CABCOCO1: variants seen among roughly 807,000 people sequenced by gnomAD.
The protein encoded by CABCOCO1 is ciliary associated calcium binding coiled-coil 1, also known as ciliary-associated calcium-binding coiled-coil protein 1.
Under a neutral mutation model 35.7 loss-of-function variants are expected in CABCOCO1, and 28 were observed. The observed-to-expected ratio is 0.78, with a 90% CI of 0.58 to 1.07. The LOEUF is 1.07. Among genes scored for constraint, CABCOCO1 ranks in the 50% least tolerant of loss-of-function variants. The pLI, the probability that CABCOCO1 is intolerant of heterozygous loss-of-function variation, is 0.00. For synonymous variants in CABCOCO1, 95 were observed against 100.1 expected (o/e 0.95, Z 0.30); for missense variants, 326 against 309.2 (o/e 1.05, Z -0.41).
In CABCOCO1 at chr10:61,665,095, G is replaced by A. The variant is rs532900456; in HGVS notation, c.60+2063G>A. On this transcript the variant is annotated intron_variant, in intron 1 of 7. Transcript: ENST00000648843. ...GTCAGAAATAAATCATAAGCTTTCAGTAGTCTGACGTTTCCCATTTGTTGT... is the reference window on the plus strand; with the variant it reads ...GTCAGAAATAAATCATAAGCTTTCAATAGTCTGACGTTTCCCATTTGTTGT... Among the ~76,000 whole-genome samples, 13 of 152,302 alleles carry A rather than the reference G, an allele frequency of 8.5e-5. No individual in the cohort carries two copies. In the East Asian group the frequency reaches 2.3e-3, roughly 27 times the overall value.
chr10:61,742,357 AT>A (rs1449816809), intron 5 of CABCOCO1, among the ~76,000 whole-genome samples: 1 of 152,222 alleles, frequency 6.6e-6, no homozygotes, highest in Non-Finnish European at 1.5e-5. Flanking sequence ...TTTTACTCTC[AT>A]GACATAAGAT....
intron 4 of CABCOCO1, among the ~76,000 whole-genome samples, chr10:61,690,199 T>G (rs1472093879): frequency 6.6e-6 from 1 of 152,122 alleles, no homozygotes; most frequent in Non-Finnish European, 1.5e-5. Context: ...GCAAATAATG[T>G]AAAGTTTCAT....
intron 1 of CABCOCO1, among the ~76,000 whole-genome samples, chr10:61,671,124 A>C (rs1027003137): frequency 1.3e-5 from 2 of 152,154 alleles, no homozygotes; most frequent in Non-Finnish European, 2.9e-5. Flanking sequence ...CAGGAGGTCG[A>C]GATCATCCTG....
At chr10:61,724,823 T>C (rs1247220701) in intron 5 of CABCOCO1, among the ~76,000 whole-genome samples, 1 of 151,866 alleles carries the variant, frequency 6.6e-6, no homozygotes, top group Non-Finnish European at 1.5e-5. Context: ...ACCACAACAG[T>C]AGGGGGGAGG....
chr10:61,710,447 GT>G (rs1340141556), intron 5 of CABCOCO1, among the ~76,000 whole-genome samples: 4 of 151,868 alleles, frequency 2.6e-5, no homozygotes, highest in Admixed American at 2.6e-4. Context: ...CGAATATACT[GT>G]AAACACAAAA....
intron 1 of CABCOCO1, among the ~76,000 whole-genome samples, chr10:61,669,472 T>C (rs561489003): frequency 6.6e-6 from 1 of 151,958 alleles, no homozygotes; most frequent in Non-Finnish European, 1.5e-5. Flanking sequence ...ATGAATTTTC[T>C]ATTATATCTT....
At chr10:61,672,882 A>T (rs1423658809) in intron 2 of CABCOCO1, 147 bp downstream of exon 2, 1 of 448,188 alleles carries the variant, frequency 2.2e-6, no homozygotes. Context: ...AAACACAAAA[A>T]TTCTCAAGTA....
At chr10:61,667,506 T>C (rs567156790) in intron 1 of CABCOCO1, among the ~76,000 whole-genome samples, 55 of 151,808 alleles carry the variant, frequency 3.6e-4, no homozygotes, top group Middle Eastern at 3.4e-3. Context: ...ATTTATAATG[T>C]AGGAAGGACT....
intron 5 of CABCOCO1, among the ~76,000 whole-genome samples, chr10:61,742,918 G>A (rs1841580168): frequency 6.6e-6 from 1 of 152,114 alleles, no homozygotes; most frequent in Non-Finnish European, 1.5e-5. Context: ...GGCACTGTGA[G>A]CAAAAATAGA....
chr10:61,732,254 T>C (rs538335063), intron 5 of CABCOCO1, among the ~76,000 whole-genome samples: 1 of 152,244 alleles, frequency 6.6e-6, no homozygotes, highest in East Asian at 1.9e-4. Context: ...ACTAGCATTT[T>C]AATTACTAAC....
intron 1 of CABCOCO1, among the ~76,000 whole-genome samples, chr10:61,670,792 C>G (rs897764651): frequency 6.6e-6 from 1 of 152,190 alleles, no homozygotes; most frequent in African/African-American, 2.4e-5. Context: ...CTTCCATCTC[C>G]CCTTCACAGC....
At chr10:61,708,396 A>G (rs1840645337) in intron 5 of CABCOCO1, among the ~76,000 whole-genome samples, 1 of 152,060 alleles carries the variant, frequency 6.6e-6, no homozygotes, top group Non-Finnish European at 1.5e-5. Flanking sequence ...TAAAATTGAG[A>G]TGACATCTCT....
At chr10:61,722,779 A>G (rs1230097475) in intron 5 of CABCOCO1, among the ~76,000 whole-genome samples, 2 of 152,114 alleles carry the variant, frequency 1.3e-5, no homozygotes, top group African/African-American at 4.8e-5. Context: ...GAAAGCAGCA[A>G]TGGCCATAGA....
chr10:61,705,838 T>C (rs1051586116), intron 5 of CABCOCO1, among the ~76,000 whole-genome samples: 3 of 152,186 alleles, frequency 2.0e-5, no homozygotes, highest in Non-Finnish European at 4.4e-5. Flanking sequence ...GGTGAGCACC[T>C]CTTCAACCAT....
intron 5 of CABCOCO1, among the ~76,000 whole-genome samples, chr10:61,709,201 C>T (rs975177444): frequency 6.6e-6 from 1 of 152,034 alleles, no homozygotes; most frequent in African/African-American, 2.4e-5. Context: ...TTCTACAAAC[C>T]ATAAGAAGAA....
At chr10:61,764,184 T>G (rs949481917) in intron 7 of CABCOCO1, among the ~76,000 whole-genome samples, 1 of 152,028 alleles carries the variant, frequency 6.6e-6, no homozygotes, top group Non-Finnish European at 1.5e-5. Flanking sequence ...AGAAATGAGA[T>G]TACTGGTGGG....
intron 5 of CABCOCO1, among the ~76,000 whole-genome samples, chr10:61,704,516 A>G (rs549169825): frequency 7.9e-5 from 12 of 152,264 alleles, no homozygotes; most frequent in African/African-American, 2.9e-4. Context: ...TGCCTGAGTG[A>G]GCTTGGAAGT....
intron 5 of CABCOCO1, among the ~76,000 whole-genome samples, chr10:61,715,189 G>C (rs1240050823): frequency 6.6e-6 from 1 of 152,044 alleles, no homozygotes; most frequent in Non-Finnish European, 1.5e-5. Context: ...TATGAATCTG[G>C]GTGCTCCTGT....
At chr10:61,663,591 T>C (rs929953713) in intron 1 of CABCOCO1, among the ~76,000 whole-genome samples, 2 of 151,002 alleles carry the variant, frequency 1.3e-5, no homozygotes, top group Non-Finnish European at 2.9e-5. Context: ...TAAATACAGG[T>C]GAAAGGACAC....
Sources: allele counts gnomAD v4.1 joint callset (sites outside exome capture counted in the v4.1 genomes callset), GRCh38; gene constraint gnomAD v4.1.1; transcripts MANE v1.5; gene names NCBI Gene and HGNC (gene_info 2026-07-23, HGNC 2026-07-21).